Variants in SCAI observed in about 807,000 individuals in gnomAD.
SCAI encodes the protein suppressor of cancer cell invasion.
A neutral mutation model predicts 92.2 loss-of-function variants in SCAI; 24 were observed. The ratio of observed to expected loss-of-function variants is 0.26; its 90% CI spans 0.19 to 0.37. SCAI has a LOEUF of 0.37. SCAI is among the 10% of genes least tolerant of loss of function. The pLI is 1.00. For missense variants in SCAI, 450 were observed against 736.2 expected, an observed-to-expected ratio of 0.61 and a Z score of 4.50; for synonymous variants, 261 against 258.6, an observed-to-expected ratio of 1.01 and a Z score of -0.09.
Position 125,025,073 on chromosome 9 carries a change from C to T in SCAI, c.512+1739G>A, listed in dbSNP as rs536462933. The stretch of plus-strand genomic sequence containing the variant: ...TGTGGAATACTTCCTTATTGGTTTT[C>T]TCTCCTGGCTCTTGATTTTAGCAGC... On this transcript the variant is annotated intron_variant, in intron 6 of 17. Transcript: ENST00000336505. Among the ~76,000 whole-genome samples the T allele has an allele frequency of 3.7e-4, 56 of 152,290 alleles. No homozygotes were observed. The East Asian group carries it at 0.011, about 29-fold the overall frequency.
chr9:125,042,620 TGTGTGTGTGTGTGTACACACACACACAC>T (rs1276421970), intron 3 of SCAI, among the ~76,000 whole-genome samples: 44 of 99,748 alleles, frequency 4.4e-4, no homozygotes, highest in African/African-American at 1.9e-3. Context: ...AGAGTATGTG[TGTGTGTGTGTGTGTACACACACACACAC>T]ACACACACAC....
chr9:125,134,220 G>A (rs920429546), intron 2 of SCAI, among the ~76,000 whole-genome samples: 14 of 152,154 alleles, frequency 9.2e-5, no homozygotes, highest in Middle Eastern at 3.2e-3. Context: ...ATAAATGACT[G>A]CAGAAACTGC....
chr9:124,968,505 G>A, intron 17 of SCAI: 1 of 865,562 alleles, frequency 1.2e-6, no homozygotes, highest in Non-Finnish European at 2.0e-6. Flanking sequence ...CACGTAGGTT[G>A]CTAGATCTCT....
intron 2 of SCAI, among the ~76,000 whole-genome samples, chr9:125,067,003 T>C (rs1833885807): frequency 6.6e-6 from 1 of 152,182 alleles, no homozygotes; most frequent in African/African-American, 2.4e-5. Flanking sequence ...CACTCTATGA[T>C]ATTTGCACAA....
chr9:125,123,108 T>TA (rs1345814522), intron 2 of SCAI, among the ~76,000 whole-genome samples: 1 of 152,136 alleles, frequency 6.6e-6, no homozygotes, highest in Non-Finnish European at 1.5e-5. Flanking sequence ...ACACTTGCAA[T>TA]CCTAGCACTC....
At chr9:125,014,738 A>C in intron 9 of SCAI, among the ~76,000 whole-genome samples, 1 of 152,216 alleles carries the variant, frequency 6.6e-6, no homozygotes, top group Non-Finnish European at 1.5e-5. Context: ...ATCCTAAGCC[A>C]AAACAACAAA....
intron 2 of SCAI, among the ~76,000 whole-genome samples, chr9:125,105,954 G>T (rs1834769146): frequency 6.6e-6 from 1 of 150,402 alleles, no homozygotes; most frequent in African/African-American, 2.4e-5. Flanking sequence ...AAAATTAGCT[G>T]GGTGTGGTGG....
chr9:125,035,272 T>TA (rs1230965209), intron 3 of SCAI, among the ~76,000 whole-genome samples: 2 of 151,842 alleles, frequency 1.3e-5, no homozygotes, highest in Non-Finnish European at 2.9e-5. Context: ...GGAGAATCGT[T>TA]AGAGTCCAGG....
intron 2 of SCAI, among the ~76,000 whole-genome samples, chr9:125,101,568 T>C (rs1204539286): frequency 6.6e-6 from 1 of 152,086 alleles, no homozygotes; most frequent in Non-Finnish European, 1.5e-5. Flanking sequence ...AGCTCCACTT[T>C]GGAAGTGTTA....
intron 2 of SCAI, among the ~76,000 whole-genome samples, chr9:125,058,396 C>T (rs1470825764): frequency 6.6e-6 from 1 of 152,124 alleles, no homozygotes; most frequent in South Asian, 2.1e-4. Context: ...TGCCTGCAGT[C>T]CCCAGCTACT....
chr9:124,974,398 T>C (rs373897206), intron 15 of SCAI: 1 of 280,286 alleles, frequency 3.6e-6, no homozygotes, highest in Non-Finnish European at 7.1e-6. Flanking sequence ...AAGTGAGCTA[T>C]GATCACACAA....
intron 3 of SCAI, among the ~76,000 whole-genome samples, chr9:125,046,533 T>C (rs1440254687): frequency 6.7e-6 from 1 of 149,896 alleles, no homozygotes; most frequent in Non-Finnish European, 1.5e-5. Context: ...GAATGACACA[T>C]GGACTTTTGG....
At chr9:125,085,708 G>A (rs934513156) in intron 2 of SCAI, among the ~76,000 whole-genome samples, 1 of 152,092 alleles carries the variant, frequency 6.6e-6, no homozygotes, top group African/African-American at 2.4e-5. Context: ...TTGAGCTCAG[G>A]AGGCTGAGAA....
intron 3 of SCAI, among the ~76,000 whole-genome samples, chr9:125,048,136 G>A (rs1181968333): frequency 1.3e-5 from 2 of 152,046 alleles, no homozygotes; most frequent in Non-Finnish European, 2.9e-5. Context: ...GTGCCACCAT[G>A]CCCAGCTAAT....
At chr9:125,001,643 T>C (rs1240360995) in intron 12 of SCAI, among the ~76,000 whole-genome samples, 1 of 152,216 alleles carries the variant, frequency 6.6e-6, no homozygotes, top group Non-Finnish European at 1.5e-5. Flanking sequence ...GGTTATTCCA[T>C]CATCCTTTTC....
intron 13 of SCAI, among the ~76,000 whole-genome samples, chr9:124,999,149 G>A (rs1252903407): frequency 1.3e-5 from 2 of 151,824 alleles, no homozygotes; most frequent in Non-Finnish European, 2.9e-5. Context: ...AACACTTTGG[G>A]AGGCCGGGGC....
intron 1 of SCAI, 149 bp from the exon 2 acceptor site, chr9:125,142,826 C>T (rs1382605445): frequency 3.0e-6 from 2 of 663,896 alleles, no homozygotes; most frequent in Non-Finnish European, 5.4e-6. Flanking sequence ...CGCCTCATGC[C>T]CTGTTTCCCC....
chr9:125,135,920 G>A (rs2040289453), intron 2 of SCAI, among the ~76,000 whole-genome samples: 1 of 129,642 alleles, frequency 7.7e-6, no homozygotes, highest in Admixed American at 8.9e-5. Flanking sequence ...AGTGAGCCGA[G>A]ATCACACCAT....
At position 125,111,862 on chromosome 9, in the gene SCAI, G is replaced by A. The variant is rs186175971; in HGVS notation, c.98+30771C>T. Among the ~76,000 whole-genome samples the A allele has an allele frequency of 7.5e-4, 114 of 152,304 alleles. 2 individuals carry two copies. The South Asian group carries it at 0.023, about 30-fold the overall frequency. ...AAAAAGATGGAGCTGAGTGTCTAGAGACGCTAAGGCATCTAGAGTGCACAG... is the reference window on the plus strand; with the variant it reads ...AAAAAGATGGAGCTGAGTGTCTAGAAACGCTAAGGCATCTAGAGTGCACAG... On this transcript the variant is annotated intron_variant, in intron 2 of 17. Transcript: ENST00000336505.
Sources: allele counts gnomAD v4.1 joint callset (sites outside exome capture counted in the v4.1 genomes callset), GRCh38; gene constraint gnomAD v4.1.1; transcripts MANE v1.5; gene names NCBI Gene and HGNC (gene_info 2026-07-23, HGNC 2026-07-21).